Variants in RGPD3 observed in about 807,000 individuals in gnomAD.
RGPD3 encodes the protein ranBP2-like and GRIP domain-containing protein 3.
A neutral mutation model predicts 154.5 loss-of-function variants in RGPD3; 62 were observed. The observed-to-expected ratio is 0.40, with a 90% CI of 0.33 to 0.50. The LOEUF (loss-of-function observed/expected upper bound fraction) is 0.50. RGPD3 is among the 20% of genes least tolerant of loss of function. RGPD3 has a pLI of 0.59. For synonymous variants in RGPD3, 308 were observed against 607.0 expected, an observed-to-expected ratio of 0.51 and a Z score of 7.24; for missense variants, 919 against 1,716.8, an observed-to-expected ratio of 0.54 and a Z score of 8.21.
rs199573414 is a variant in RGPD3, at chr2:106,448,906, T to C, written c.783-1293A>G. Among the ~76,000 whole-genome samples the C allele has an allele frequency of 2.1e-4, 31 of 150,962 alleles. 1 individual carries two copies. The East Asian group carries it at 5.8e-3, about 28-fold the overall frequency. On this transcript the variant is annotated intron_variant, in intron 6 of 22. Coordinates refer to ENST00000409886, the MANE Select transcript of RGPD3 (RefSeq NM_001144013.2). ...AAGGTTTCACCATTGTTAGCTGGGATGGTCTCGATCTCCTGACTTCGTGAT... is the reference window on the plus strand; with the variant it reads ...AAGGTTTCACCATTGTTAGCTGGGACGGTCTCGATCTCCTGACTTCGTGAT...
At chr2:106,470,009 C>T (rs1678774785), upstream of RGPD3, among the ~76,000 whole-genome samples, 1 of 152,144 alleles carries the variant, frequency 6.6e-6, no homozygotes, top group African/African-American at 2.4e-5. Context: ...CCCAGTTCTA[C>T]CACTTAGTAG....
In RGPD3 at chr2:106,425,020, C is replaced by T. The variant is rs527675223; in HGVS notation, c.2947G>A (p.Gly983Arg). The T allele has an allele frequency of 3.7e-6, 6 of 1,611,852 alleles. No homozygotes were observed. In the East Asian group the frequency reaches 6.7e-5, roughly 18 times the overall value. The change falls in exon 20 of 23, where the codon GGA becomes AGA. Residue 983 changes from glycine (G) to arginine (R), a missense_variant. By Grantham distance (125) the Gly-to-Arg change is moderately radical (BLOSUM62 -2). Transcript: ENST00000409886. ...AGGTCTTTTTTGCCAAACTGAAATCCTTCTCCTGAAGTTGATTTTGCAACA... is the reference window on the plus strand; with the variant it reads ...AGGTCTTTTTTGCCAAACTGAAATCTTTCTCCTGAAGTTGATTTTGCAACA... ...ADVAKSTSGE[G>R]FQFGKKDLNF... is the part of the protein sequence containing the mutation.
chr2:106,445,343 C>G (rs1256624983), intron 7 of RGPD3, among the ~76,000 whole-genome samples: 2 of 151,078 alleles, frequency 1.3e-5, no homozygotes, highest in African/African-American at 4.8e-5. Flanking sequence ...TTGAGAATTT[C>G]TATAAGAACC....
In RGPD3 at chr2:106,424,550, A is replaced by G. The variant is rs550140559; in HGVS notation, c.3417T>C (p.Asp1139=). 3.5e-5 allele frequency: 57 copies of G among 1,609,596 alleles called. No individual in the cohort carries two copies. Among genetic ancestry groups the G allele is most frequent in the Middle Eastern group, 2.2e-4 (1 of 4,452 alleles). The change falls in exon 20 of 23, where the codon GAT becomes GAC. Residue 1139 remains aspartate (D), a synonymous_variant. Coordinates refer to ENST00000409886, the MANE Select transcript of RGPD3 (RefSeq NM_001144013.2). ...AWMWSASDFS[D]GDAKLERLAA... ...CCAATCGCTCTAGTTTGGCATCACC[A>G]TCAGAGAAATCACTGGCTGACCACA...
At position 106,406,759 on chromosome 2, in the gene RGPD3, T is replaced by C. The variant is rs1348435705; in HGVS notation, c.5267-1530A>G. 5.3e-5 allele frequency among the ~76,000 whole-genome samples: 8 copies of C among 152,340 alleles called. No individual in the cohort carries two copies. In the East Asian group the frequency reaches 7.7e-4, roughly 15 times the overall value. On this transcript the variant is annotated intron_variant, in intron 22 of 22. Transcript: ENST00000409886. The stretch of plus-strand genomic sequence containing the variant: ...GTGTGAATACTGGTTTTCATTCCTC[T>C]TGGATAAAGATTTAATTTGGTATTA...
Position 106,415,952 on chromosome 2 carries a change from T to G in RGPD3, c.4962A>C (p.Glu1654Asp). The G allele has an allele frequency of 6.2e-7, 1 of 1,611,738 alleles. No homozygotes were observed. The highest frequency in any genetic ancestry group is 8.5e-7 in the Non-Finnish European group (1 of 1,179,770). The change falls in exon 21 of 23, where the codon GAA becomes GAC. Residue 1654 changes from glutamate to aspartate, a missense_variant. Coordinates refer to ENST00000409886, the MANE Select transcript of RGPD3 (RefSeq NM_001144013.2). ...TGGTGGAACTGAGCTTCTGAACCAA[T>G]TCTTCTTTAGTAAATTCAGCATACC... ...PLWYAEFTKE[E>D]LVQKLSSTTK...
At chr2:106,448,902 G>A (rs1449389444) in intron 6 of RGPD3, among the ~76,000 whole-genome samples, 1 of 150,456 alleles carries the variant, frequency 6.6e-6, no homozygotes, top group Non-Finnish European at 1.5e-5. Context: ...ATTGTTAGCT[G>A]GGATGGTCTC....
At chr2:106,421,170 C>T (rs1488345658) in intron 20 of RGPD3, among the ~76,000 whole-genome samples, 2 of 152,044 alleles carry the variant, frequency 1.3e-5, no homozygotes, top group Non-Finnish European at 2.9e-5. Flanking sequence ...ATCAGATAGC[C>T]TCTCTTGGCC....
At chr2:106,470,826 C>T (rs200769083), upstream of RGPD3, 46 of 1,604,430 alleles carry the variant, frequency 2.9e-5, no homozygotes, top group East Asian at 2.2e-5. Flanking sequence ...AAGGAGTTTA[C>T]TAAGAGGCTT....
Position 106,468,260 on chromosome 2 carries a change from C to T in RGPD3, c.29G>A (p.Arg10Gln), listed in dbSNP as rs190902687. The change falls in exon 1 of 23, where the codon CGG (arginine) becomes CAG (glutamine). Residue 10 changes from arginine to glutamine, a missense_variant. Coordinates refer to ENST00000409886, the MANE Select transcript of RGPD3 (RefSeq NM_001144013.2). ...GGAGCCCTGCACCGAGGCGACGTAC[C>T]GCTCCCCGTAGGCCTTGCTGCAACT... MSCSKAYGE[R>Q]YVASVQGSAP... The T allele has an allele frequency of 1.0e-3, 1,666 of 1,607,870 alleles. 15 individuals carry two copies. The African/African-American group carries it at 0.018, about 17-fold the overall frequency.
chr2:106,415,842 G>T lies in RGPD3; in HGVS notation c.5064+8C>A. ...AGTTTTTATGGTGGCCAGGTTTTCT[G>T]ATCTCACCTTAATTTGCTCCATAAG... is the stretch of plus-strand genomic sequence containing the variant. On this transcript the variant is annotated splice_region_variant and intron_variant, in intron 21 of 22. Coordinates refer to ENST00000409886, the MANE Select transcript of RGPD3 (RefSeq NM_001144013.2). 6.2e-7 allele frequency: 1 copy of T among 1,611,762 alleles called. No homozygotes were observed. The highest frequency in any genetic ancestry group is 8.5e-7 in the Non-Finnish European group (1 of 1,179,802).
rs190891057 is a variant in RGPD3 at position 106,468,336 on chromosome 2, C to T, written c.-48G>A. 111 of 1,567,840 alleles carry T rather than the reference C, an allele frequency of 7.1e-5. 1 individual carries two copies. Among genetic ancestry groups the T allele is most frequent in the Admixed American group, 1.1e-4 (6 of 52,910 alleles). ...AGATGCGTGAGACCAGCGCTCAGCC[C>T]CGCAGCAGTCGCCAATTCCAAGAGG... On this transcript the variant is annotated 5_prime_UTR_variant, in exon 1 of 23. Transcript: ENST00000409886.
chr2:106,467,800 G>A (rs1364894337), intron 1 of RGPD3, among the ~76,000 whole-genome samples: 2 of 144,386 alleles, frequency 1.4e-5, no homozygotes, highest in African/African-American at 2.7e-5. Flanking sequence ...CGCCGGGCCA[G>A]GTCGAGGCCG....
At chr2:106,434,588 TAATA>T (rs1404614872) in intron 14 of RGPD3, 45 bp downstream of exon 14, 5 of 298,610 alleles carry the variant, frequency 1.7e-5, no homozygotes, top group Admixed American at 6.1e-5. Context: ...TTAAAAGAAA[TAATA>T]AATAAATAAA....
chr2:106,438,055 T>G (rs1001387545), intron 9 of RGPD3, among the ~76,000 whole-genome samples: 16 of 152,160 alleles, frequency 1.1e-4, no homozygotes, highest in African/African-American at 3.1e-4. Flanking sequence ...CTCAGCCTCC[T>G]GAGTAGGGAC....
Position 106,424,195 on chromosome 2 carries a change from C to A in RGPD3, c.3772G>T (p.Ala1258Ser), listed in dbSNP as rs1296294902. Residue 1258 changes from alanine to serine, a missense_variant, in exon 20 of 23, where the codon GCT (alanine) becomes TCT (serine). Ala to Ser is a moderately conservative substitution (Grantham distance 99). Transcript: ENST00000409886. ...EWDNYDLRED[A>S]LDDSVSSSSV... ...CTACTACTGACACTATCATCCAAAGCATCTTCCCTTAAATCATAGTTATCC... is the reference window on the plus strand; with the variant it reads ...CTACTACTGACACTATCATCCAAAGAATCTTCCCTTAAATCATAGTTATCC... 1.2e-6 allele frequency: 2 copies of A among 1,611,792 alleles called. No individual in the cohort carries two copies. Among genetic ancestry groups the A allele is most frequent in the Non-Finnish European group, 1.7e-6 (2 of 1,179,870 alleles).
At chr2:106,430,271 A>T in intron 17 of RGPD3, among the ~76,000 whole-genome samples, 1 of 151,504 alleles carries the variant, frequency 6.6e-6, no homozygotes, top group Non-Finnish European at 1.5e-5. Flanking sequence ...TTTGTTAAAA[A>T]TTTATCTGCT....
intron 6 of RGPD3, among the ~76,000 whole-genome samples, chr2:106,451,331 C>A (rs1321178863): frequency 6.7e-6 from 1 of 149,322 alleles, no homozygotes; most frequent in East Asian, 1.9e-4. Context: ...AAGAAAATTA[C>A]CTACTCCCTG....
At position 106,439,951 on chromosome 2, in the gene RGPD3, T is replaced by A. The variant is rs1355821448; in HGVS notation, c.1067-774A>T. On this transcript the variant is annotated intron_variant, in intron 8 of 22. Coordinates refer to ENST00000409886, the MANE Select transcript of RGPD3 (RefSeq NM_001144013.2). ...TTTACAGTAAGCAATCAAAAAATCATAGTCCTCGGATAAAGTACTGATACA... is the reference window on the plus strand; with the variant it reads ...TTTACAGTAAGCAATCAAAAAATCAAAGTCCTCGGATAAAGTACTGATACA... Among the ~76,000 whole-genome samples the A allele has an allele frequency of 1.1e-4, 12 of 111,426 alleles. No homozygotes were observed. In the East Asian group the frequency reaches 2.3e-3, roughly 21 times the overall value. The allele number at this position is 111,426 out of a possible 152,430, so 73.1% of individuals were successfully genotyped here. A position where few individuals can be genotyped will look rare whatever the true frequency, so the allele number is the denominator to read the frequency against.
Sources: allele counts gnomAD v4.1 joint callset (sites outside exome capture counted in the v4.1 genomes callset), GRCh38; gene constraint gnomAD v4.1.1; transcripts MANE v1.5; gene names NCBI Gene and HGNC (gene_info 2026-07-23, HGNC 2026-07-21).